The following CELA1 variants were observed in gnomAD, a reference collection of about 807,000 sequenced individuals.
CELA1 encodes chymotrypsin like elastase 1, also known as chymotrypsin-like elastase family member 1.
CELA1 carries 28 observed loss-of-function variants against 34.8 expected under a neutral mutation model. The ratio of observed to expected loss-of-function variants is 0.80; its 90% CI spans 0.60 to 1.10. The LOEUF (loss-of-function observed/expected upper bound fraction) is 1.10, where lower values mean the gene tolerates loss of function less well. Ranked by LOEUF, CELA1 falls within the 50% of genes least tolerant of loss-of-function variation. The pLI is 0.00. For synonymous variants in CELA1, 140 were observed against 129.8 expected (o/e 1.08, Z -0.53); for missense variants, 288 against 327.5 (o/e 0.88, Z 0.93).
At position 51,346,640 on chromosome 12, in the gene CELA1, T is replaced by C. The variant is rs1021757451; in HGVS notation, c.-2A>G. The C allele has an allele frequency of 7.0e-7, 1 of 1,424,862 alleles. No individual in the cohort carries two copies. The highest frequency in any genetic ancestry group is 9.6e-7 in the Non-Finnish European group (1 of 1,045,570). The allele number at this position is 1,424,862 out of a possible 1,614,324, so 88.3% of individuals were successfully genotyped here. A position where few individuals can be genotyped will look rare whatever the true frequency, so the allele number is the denominator to read the frequency against. On this transcript the variant is annotated 5_prime_UTR_variant, in exon 1 of 8. Transcript: ENST00000293636. ...CCACTTACCATAAAGGACCAGCATG[T>C]TGCCGATGGAGTAGACCACTGCCTT...
intron 6 of CELA1, among the ~76,000 whole-genome samples, chr12:51,337,126 G>T (rs1401062191): frequency 2.0e-5 from 3 of 152,158 alleles, no homozygotes; most frequent in Non-Finnish European, 4.4e-5. Flanking sequence ...TATGGTGGTA[G>T]CTTCTATTCT....
chr12:51,342,484 C>A, intron 4 of CELA1, 91 bp downstream of exon 4: 1 of 1,579,770 alleles, frequency 6.3e-7, no homozygotes. Flanking sequence ...TGCAATCCCT[C>A]TAGCCCTCTG....
chr12:51,335,261 T>C (rs1329232857), intron 6 of CELA1, among the ~76,000 whole-genome samples: 2 of 152,136 alleles, frequency 1.3e-5, no homozygotes, highest in Non-Finnish European at 2.9e-5. Flanking sequence ...CTCAATTTTC[T>C]TTTCTCTTTT....
chr12:51,332,982 T>C (rs12817872), intron 6 of CELA1, among the ~76,000 whole-genome samples: 1 of 152,122 alleles, frequency 6.6e-6, no homozygotes, highest in African/African-American at 2.4e-5. Flanking sequence ...CAGGCTGGAG[T>C]GCAGTAGTGC....
intron 6 of CELA1, among the ~76,000 whole-genome samples, chr12:51,335,629 CTT>C (rs11410624): frequency 1.3e-4 from 17 of 135,322 alleles, no homozygotes; most frequent in Admixed American, 2.3e-4. Context: ...TTTGTTCTTC[CTT>C]TTTTTTTTTT....
chr12:51,343,307 A>G (rs1173673257), intron 3 of CELA1, among the ~76,000 whole-genome samples: 1 of 152,210 alleles, frequency 6.6e-6, no homozygotes, highest in Non-Finnish European at 1.5e-5. Context: ...GACCTACCAA[A>G]TTAGAAACTC....
At chr12:51,342,781 A>T in intron 3 of CELA1, 81 bp from the exon 4 acceptor site, 3 of 1,428,614 alleles carry the variant, frequency 2.1e-6, no homozygotes, top group Non-Finnish European at 2.8e-6. Context: ...TTGAAAAACC[A>T]TCTTTTTTTT....
In CELA1 at chr12:51,342,567, G is replaced by A. The variant is rs1339036823; in HGVS notation, c.326+8C>T. The A allele has an allele frequency of 1.2e-6, 2 of 1,613,960 alleles. No individual in the cohort carries two copies. The highest frequency in any genetic ancestry group is 8.5e-7 in the Non-Finnish European group (1 of 1,180,000). On this transcript the variant is annotated splice_region_variant and intron_variant, in intron 4 of 7. Transcript: ENST00000293636. Reference sequence around the variant, plus strand: ...CCCAGCCCAGGGCCAGCTTGGACTTGCTCCTACCCGGCAGCCACGTTATCG... The same window carrying A: ...CCCAGCCCAGGGCCAGCTTGGACTTACTCCTACCCGGCAGCCACGTTATCG...
At chr12:51,345,140 A>G (rs1420712339) in intron 2 of CELA1, among the ~76,000 whole-genome samples, 1 of 150,976 alleles carries the variant, frequency 6.6e-6, no homozygotes, top group Non-Finnish European at 1.5e-5. Flanking sequence ...AAAAAAAAAT[A>G]CCAATAGGAT....
At chr12:51,334,049 C>G (rs571139383) in intron 6 of CELA1, among the ~76,000 whole-genome samples, 2 of 152,290 alleles carry the variant, frequency 1.3e-5, no homozygotes, top group Admixed American at 1.3e-4. Flanking sequence ...AGACCCAGAA[C>G]TGTGAAAGCC....
At chr12:51,345,038 C>G (rs12310910) in intron 2 of CELA1, among the ~76,000 whole-genome samples, 1 of 151,454 alleles carries the variant, frequency 6.6e-6, no homozygotes, top group African/African-American at 2.4e-5. Context: ...CGCAGGAGAA[C>G]TGCTTGAACC....
intron 6 of CELA1, among the ~76,000 whole-genome samples, chr12:51,335,249 C>A (rs1378870025): frequency 1.3e-5 from 2 of 151,972 alleles, no homozygotes; most frequent in African/African-American, 4.8e-5. Flanking sequence ...CCTATTTATG[C>A]ACTCAATTTT....
Position 51,328,588 on chromosome 12 carries a change from C to CG in CELA1, c.765dup (p.Ala256ArgfsTer22), listed in dbSNP as rs1317326919. On this transcript the variant is annotated frameshift_variant, in exon 8 of 8. Coordinates refer to ENST00000293636, the MANE Select transcript of CELA1 (RefSeq NM_001971.6). LOFTEE classifies it high-confidence loss of function. ...ACTCAGGAAAATGTTCAGTTGGAGG[C>CG]GATGACCTGAAGGAAAGACAGTTAT... is the stretch of plus-strand genomic sequence containing the variant. 1.2e-6 allele frequency: 2 copies of CG among 1,613,962 alleles called. No individual in the cohort carries two copies. The highest frequency in any genetic ancestry group is 2.7e-5 in the African/African-American group (2 of 74,912).
intron 6 of CELA1, among the ~76,000 whole-genome samples, chr12:51,331,127 C>T (rs1353170686): frequency 6.7e-6 from 1 of 148,910 alleles, no homozygotes; most frequent in African/African-American, 2.5e-5. Flanking sequence ...GGTGGCTCCA[C>T]ACCTGTAATC....
intron 6 of CELA1, 122 bp downstream of exon 6, chr12:51,339,738 G>T: frequency 1.1e-6 from 1 of 904,030 alleles, no homozygotes; most frequent in Non-Finnish European, 1.7e-6. Context: ...TTAGACGCCA[G>T]AGTAGAAAAT....
chr12:51,343,762 C>T lies in CELA1; in HGVS notation c.191G>A (p.Cys64Tyr). Reference sequence around the variant, plus strand: ...TCTTTGTTTTTCTTACTAATCCACGCAGTGAGCAGCTGTCATCACCCAGTT... The same window carrying T: ...TCTTTGTTTTTCTTACTAATCCACGTAGTGAGCAGCTGTCATCACCCAGTT... ...RQNWVMTAAH[C>Y]VDYQKTFRVV... The change falls in exon 3 of 8, where the codon TGC (cysteine) becomes TAC (tyrosine). Residue 64 changes from cysteine to tyrosine, a missense_variant. Cys to Tyr is a radical substitution (Grantham distance 194, BLOSUM62 -2). Coordinates refer to ENST00000293636, the MANE Select transcript of CELA1 (RefSeq NM_001971.6). The T allele has an allele frequency of 6.3e-7, 1 of 1,591,554 alleles. No individual in the cohort carries two copies. The highest frequency in any genetic ancestry group is 1.1e-5 in the South Asian group (1 of 90,508).
At position 51,342,340 on chromosome 12, in the gene CELA1, C is replaced by T. The variant is rs374195484; in HGVS notation, c.326+235G>A. ...ATGAGCCACTGTGCCTGGCTCAGAA[C>T]CTAAATTCTCAAAGTCCTCCTGGAC... is the stretch of plus-strand genomic sequence containing the variant. On this transcript the variant is annotated intron_variant, in intron 4 of 7. Coordinates refer to ENST00000293636, the MANE Select transcript of CELA1 (RefSeq NM_001971.6). Among the ~76,000 whole-genome samples, 20 of 152,278 alleles carry T rather than the reference C, an allele frequency of 1.3e-4. No homozygotes were observed. In the South Asian group the frequency reaches 1.4e-3, roughly 11 times the overall value.
At chr12:51,330,683 G>C (rs1228775594) in intron 6 of CELA1, among the ~76,000 whole-genome samples, 2 of 152,180 alleles carry the variant, frequency 1.3e-5, no homozygotes, top group Non-Finnish European at 2.9e-5. Flanking sequence ...TCTAAAGAAT[G>C]CCTCTAGCCG....
chr12:51,337,112 C>T (rs1048735662), intron 6 of CELA1, among the ~76,000 whole-genome samples: 25 of 152,154 alleles, frequency 1.6e-4, no homozygotes, highest in Non-Finnish European at 4.4e-5. Context: ...CTGACATTTC[C>T]TAGTATGGTG....
Sources: allele counts gnomAD v4.1 joint callset (sites outside exome capture counted in the v4.1 genomes callset), GRCh38; gene constraint gnomAD v4.1.1; transcripts MANE v1.5; gene names NCBI Gene and HGNC (gene_info 2026-07-23, HGNC 2026-07-21).